The following RNMT variants were observed in gnomAD, a reference collection of about 807,000 sequenced individuals.
RNMT encodes RNA guanine-7 methyltransferase.
In RNMT, 27 loss-of-function variants were observed where a neutral mutation model predicts 56.0. The observed-to-expected ratio is 0.48, with a 90% CI of 0.36 to 0.67. The LOEUF is 0.67. RNMT is among the 30% of genes least tolerant of loss of function. RNMT has a pLI of 0.00. For synonymous variants in RNMT, 184 were observed against 176.2 expected, an observed-to-expected ratio of 1.04 and a Z score of -0.35; for missense variants, 519 against 552.1, an observed-to-expected ratio of 0.94 and a Z score of 0.60.
At chr18:13,752,162 T>G (rs2044459931) in intron 9 of RNMT, 164 bp from the exon 10 acceptor site, 1 of 572,786 alleles carries the variant, frequency 1.7e-6, no homozygotes. Context: ...GATTCTTCCT[T>G]TTTTTTAATT....
intron 11 of RNMT, among the ~76,000 whole-genome samples, chr18:13,755,218 A>G (rs2044523133): frequency 6.6e-6 from 1 of 152,236 alleles, no homozygotes; most frequent in African/African-American, 2.4e-5. Flanking sequence ...AATAAACACT[A>G]CTAGGCAAAT....
At chr18:13,733,455 G>GC (rs1451070020) in intron 3 of RNMT, among the ~76,000 whole-genome samples, 1 of 152,036 alleles carries the variant, frequency 6.6e-6, no homozygotes, top group East Asian at 1.9e-4. Flanking sequence ...TCGGCTCACT[G>GC]CAACCTCCAC....
Position 13,734,468 on chromosome 18 carries a change from T to A in RNMT, c.422T>A (p.Leu141Gln). The change falls in exon 4 of 12, where the codon CTG (leucine) becomes CAG (glutamine). Residue 141 changes from leucine (L) to glutamine (Q), a missense_variant. Transcript: ENST00000383314. ...TCTATTCTCTTTTATTTTCAGAATC[T>A]GGAAGAAGGACACAGCTCAACAGTG... is the stretch of plus-strand genomic sequence containing the variant. ...LEDVPEKQKN[L>Q]EEGHSSTVAA... 1.2e-6 allele frequency: 2 copies of A among 1,601,356 alleles called. No individual in the cohort carries two copies. Among genetic ancestry groups the A allele is most frequent in the Non-Finnish European group, 1.7e-6 (2 of 1,176,268 alleles).
chr18:13,753,595 C>G (rs1488106461), intron 10 of RNMT, among the ~76,000 whole-genome samples: 1 of 151,884 alleles, frequency 6.6e-6, no homozygotes. Context: ...CACGGTGAAA[C>G]CTCGTCTTTA....
At position 13,759,954 on chromosome 18, in the gene RNMT, T is replaced by A. The variant is rs1421348235; in HGVS notation, c.1406T>A (p.Val469Glu). 2 of 1,612,710 alleles carry A rather than the reference T, an allele frequency of 1.2e-6. No individual in the cohort carries two copies. The highest frequency in any genetic ancestry group is 1.7e-5 in the Admixed American group (1 of 59,974). Residue 469 changes from valine (V) to glutamate (E), a missense_variant, in exon 12 of 12, where the codon GTG (valine) becomes GAG (glutamate). Transcript: ENST00000383314. ...ATTTCTTCTTTAGGTATTTACTTGG[T>A]GTTTGCCTTTGAGAAACAGCAGTGA... ...SEWEATSIYL[V>E]FAFEKQQ
rs1420375132 is a variant in RNMT, at chr18:13,762,083, G to A, written c.*2104G>A. 2.7e-5 allele frequency: 41 copies of A among 1,535,854 alleles called. No individual in the cohort carries two copies. The highest frequency in any genetic ancestry group is 3.3e-5 in the Non-Finnish European group (38 of 1,146,868). ...GAGGGAGGCATGGCTTTCCACCGTC[G>A]GGCCAGGAAGAGCACCTGTTGCTGC... On this transcript the variant is annotated 3_prime_UTR_variant, in exon 12 of 12. Coordinates refer to ENST00000383314, the MANE Select transcript of RNMT (RefSeq NM_003799.3).
At chr18:13,748,037 CAAG>C (rs2044381249) in intron 9 of RNMT, among the ~76,000 whole-genome samples, 1 of 152,096 alleles carries the variant, frequency 6.6e-6, no homozygotes, top group African/African-American at 2.4e-5. Context: ...TATGGGATAA[CAAG>C]AATTTTATGG....
chr18:13,761,851 C>CCCCCCCGCCCCCA lies in RNMT; in HGVS notation c.*1877_*1878insCGCCCCCACCCCC. 2.7e-6 allele frequency: 3 copies of CCCCCCCGCCCCCA among 1,097,448 alleles called. 1 individual carries two copies. Among genetic ancestry groups the CCCCCCCGCCCCCA allele is most frequent in the Non-Finnish European group, 3.3e-6 (3 of 898,866 alleles). The allele number at this position is 1,097,448 out of a possible 1,614,324, so 68.0% of individuals were successfully genotyped here. On this transcript the variant is annotated 3_prime_UTR_variant, in exon 12 of 12. Transcript: ENST00000383314. Reference sequence around the variant, plus strand: ...TTCCTCCACCACCCTACACCCCCCTCCCCCCGGCCCCAAGCCCCTGTGTCT... The same window carrying CCCCCCCGCCCCCA: ...TTCCTCCACCACCCTACACCCCCCTCCCCCCCGCCCCCACCCCCGGCCCCAAGCCCCTGTGTCT...
intron 8 of RNMT, among the ~76,000 whole-genome samples, chr18:13,745,676 G>T (rs544777487): frequency 1.1e-4 from 17 of 150,250 alleles, no homozygotes; most frequent in African/African-American, 3.4e-4. Flanking sequence ...ACCGATAGCT[G>T]GGGGGTGGAA....
intron 9 of RNMT, among the ~76,000 whole-genome samples, chr18:13,750,162 G>T (rs949364695): frequency 6.6e-6 from 1 of 152,170 alleles, no homozygotes; most frequent in African/African-American, 2.4e-5. Flanking sequence ...CATTTGGCCA[G>T]CATACCCTTA....
At chr18:13,735,673 T>G (rs1465387132) in intron 4 of RNMT, among the ~76,000 whole-genome samples, 1 of 152,192 alleles carries the variant, frequency 6.6e-6, no homozygotes, top group Non-Finnish European at 1.5e-5. Flanking sequence ...ATGTATTTTT[T>G]TATTGAATAA....
At chr18:13,754,243 A>T in intron 11 of RNMT, 96 bp downstream of exon 11, 1 of 749,710 alleles carries the variant, frequency 1.3e-6, no homozygotes, top group Non-Finnish European at 2.2e-6. Flanking sequence ...ACTGTGGCTC[A>T]CACCAGTACT....
chr18:13,736,643 A>T (rs1165998805), intron 4 of RNMT, among the ~76,000 whole-genome samples: 4 of 152,140 alleles, frequency 2.6e-5, no homozygotes, highest in East Asian at 1.9e-4. Flanking sequence ...TACAAAAAAA[A>T]ATATGAATAA....
In RNMT at chr18:13,760,674, T is replaced by C. The variant is rs1001837657; in HGVS notation, c.*695T>C. On this transcript the variant is annotated 3_prime_UTR_variant, in exon 12 of 12. Coordinates refer to ENST00000383314, the MANE Select transcript of RNMT (RefSeq NM_003799.3). ...TAATTAATGTTTCCAGTTATCAAGATTGTGATTAGACACATTTACCTTTCT... is the reference window on the plus strand; with the variant it reads ...TAATTAATGTTTCCAGTTATCAAGACTGTGATTAGACACATTTACCTTTCT... 3.0e-6 allele frequency: 3 copies of C among 985,250 alleles called. No individual in the cohort carries two copies. The highest frequency in any genetic ancestry group is 3.6e-6 in the Non-Finnish European group (3 of 829,850). 61.0% of individuals were successfully genotyped at this position (985,250 alleles called of 1,614,324 possible). A position where few individuals can be genotyped will look rare whatever the true frequency, so the allele number is the denominator to read the frequency against.
rs1386393712 is a variant in RNMT at position 13,736,923 on chromosome 18, AAGAT to A, written c.554-84_554-81del. On this transcript the variant is annotated intron_variant, in intron 4 of 11. Coordinates refer to ENST00000383314, the MANE Select transcript of RNMT (RefSeq NM_003799.3). ...ATAGTTTATGTTACATATTGGGCAA[AAGAT>A]AGTAGGTTATTAGAGGTAACAGTTT... is the stretch of plus-strand genomic sequence containing the variant. 17 of 1,203,024 alleles carry A rather than the reference AAGAT, an allele frequency of 1.4e-5. No individual in the cohort carries two copies. In the East Asian group the frequency reaches 3.8e-4, roughly 27 times the overall value. The allele number at this position is 1,203,024 out of a possible 1,614,324, so 74.5% of individuals were successfully genotyped here.
rs747817395 is a variant in RNMT at position 13,737,030 on chromosome 18, C to T, written c.574C>T (p.Arg192Ter). Reference protein sequence around the residue: ...VLIGEFLEKVRQKKKRDITVL... With the variant: ...VLIGEFLEKV ...TTTAGGAGAATTTTTGGAAAAGGTA[C>T]GACAGAAGAAAAAACGTGATATCAC... Residue 192 changes from arginine to a stop codon, truncating the protein, a stop_gained, in exon 5 of 12, where the codon CGA (arginine) becomes TGA (stop). Coordinates refer to ENST00000383314, the MANE Select transcript of RNMT (RefSeq NM_003799.3). LOFTEE classifies it high-confidence loss of function. 4 of 1,612,074 alleles carry T rather than the reference C, an allele frequency of 2.5e-6. No individual in the cohort carries two copies. Among genetic ancestry groups the T allele is most frequent in the South Asian group, 1.1e-5 (1 of 90,862 alleles).
Position 13,762,408 on chromosome 18 carries a change from A to G in RNMT, c.*2429A>G, listed in dbSNP as rs971228995. 2.5e-5 allele frequency: 11 copies of G among 445,756 alleles called. No individual in the cohort carries two copies. Among genetic ancestry groups the G allele is most frequent in the African/African-American group, 2.0e-4 (10 of 48,990 alleles). 27.6% of individuals were successfully genotyped at this position (445,756 alleles called of 1,614,324 possible). A position where few individuals can be genotyped will look rare whatever the true frequency, so the allele number is the denominator to read the frequency against. On this transcript the variant is annotated 3_prime_UTR_variant, in exon 12 of 12. Coordinates refer to ENST00000383314, the MANE Select transcript of RNMT (RefSeq NM_003799.3). ...GTGGAAAGTATTGCAATTCTGTGAG[A>G]GTGACTCTGCAGAGTCACTGCACCA...
intron 3 of RNMT, 115 bp downstream of exon 3, chr18:13,732,049 T>C: frequency 1.2e-6 from 1 of 849,942 alleles, no homozygotes; most frequent in South Asian, 2.2e-5. Context: ...CTATTTTTAA[T>C]AGATATGGTC....
At chr18:13,742,411 G>T in intron 7 of RNMT, 77 bp from the exon 8 acceptor site, 1 of 1,360,576 alleles carries the variant, frequency 7.3e-7, no homozygotes. Context: ...TTTTTCACAT[G>T]CATAATCTGA....
Sources: gnomAD v4.1 joint callset for allele counts (sites outside exome capture counted in the v4.1 genomes callset) on GRCh38, gnomAD v4.1.1 for gene constraint, MANE v1.5 for transcripts, NCBI Gene and HGNC (gene_info 2026-07-23, HGNC 2026-07-21) for gene names.